MCC: variants seen among roughly 807,000 people sequenced by gnomAD.
MCC encodes the protein MCC regulator of Wnt signaling pathway.
Under a neutral mutation model 116.2 loss-of-function variants are expected in MCC, and 90 were observed. The observed-to-expected ratio is 0.77, with a 90% CI of 0.65 to 0.92. The LOEUF (loss-of-function observed/expected upper bound fraction) is 0.92. Ranked by LOEUF, MCC falls within the 40% of genes least tolerant of loss-of-function variation. The pLI, the probability that MCC is intolerant of heterozygous loss-of-function variation, is 0.00. For synonymous variants in MCC, 578 were observed against 510.5 expected (o/e 1.13, Z -1.78); for missense variants, 1,516 against 1,312.2 (o/e 1.16, Z -2.40).
chr5:113,072,654 T>C (rs1297657047), intron 11 of MCC, among the ~76,000 whole-genome samples: 4 of 152,186 alleles, frequency 2.6e-5, no homozygotes, highest in African/African-American at 4.8e-5. Flanking sequence ...CTTTGCTAGA[T>C]GCTCATTCTC....
intron 6 of MCC, among the ~76,000 whole-genome samples, chr5:113,118,520 T>A (rs1266338216): frequency 6.6e-6 from 1 of 152,160 alleles, no homozygotes. Flanking sequence ...CTCTGATGGG[T>A]GGTTATGAAA....
intron 2 of MCC, among the ~76,000 whole-genome samples, chr5:113,367,401 A>C (rs78649460): frequency 0.039 from 5,607 of 144,938 alleles, 367 homozygotes; most frequent in African/African-American, 0.14. Context: ...TATTCCATCA[A>C]ATTTAGTGTG....
chr5:113,272,390 G>A (rs1171511215), intron 3 of MCC, among the ~76,000 whole-genome samples: 3 of 152,110 alleles, frequency 2.0e-5, no homozygotes, highest in Non-Finnish European at 4.4e-5. Flanking sequence ...AGAGGAGCCT[G>A]CAAGTATAAT....
intron 3 of MCC, among the ~76,000 whole-genome samples, chr5:113,177,814 T>C (rs1431146571): frequency 1.3e-5 from 2 of 152,232 alleles, no homozygotes; most frequent in East Asian, 3.8e-4. Flanking sequence ...TTCATATTTG[T>C]AGTTTTAATG....
intron 3 of MCC, among the ~76,000 whole-genome samples, chr5:113,339,850 C>T (rs1164379214): frequency 6.6e-6 from 1 of 152,206 alleles, no homozygotes; most frequent in African/African-American, 2.4e-5. Context: ...TTTCAAAAAG[C>T]CAGGTAGGCT....
intron 3 of MCC, among the ~76,000 whole-genome samples, chr5:113,274,412 T>G (rs1765735771): frequency 6.6e-6 from 1 of 152,226 alleles, no homozygotes; most frequent in Admixed American, 6.5e-5. Context: ...CAGGCTGGAG[T>G]GCAGAGGCAC....
chr5:113,206,854 T>C (rs1330209532), intron 3 of MCC, among the ~76,000 whole-genome samples: 1 of 152,232 alleles, frequency 6.6e-6, no homozygotes, highest in African/African-American at 2.4e-5. Flanking sequence ...TCGTAAGCTT[T>C]CCCTCATTTG....
At chr5:113,188,549 C>T (rs567202172) in intron 3 of MCC, among the ~76,000 whole-genome samples, 1 of 152,122 alleles carries the variant, frequency 6.6e-6, no homozygotes, top group East Asian at 1.9e-4. Context: ...AAGATGTATT[C>T]AAAACACAAA....
chr5:113,129,270 T>C (rs1758284364), intron 5 of MCC, among the ~76,000 whole-genome samples: 1 of 152,090 alleles, frequency 6.6e-6, no homozygotes, highest in South Asian at 2.1e-4. Flanking sequence ...TGCAGGGTCC[T>C]AGAGGTTTAA....
intron 16 of MCC, 79 bp downstream of exon 16, chr5:113,049,014 G>A (rs771618094): frequency 6.7e-6 from 9 of 1,346,002 alleles, no homozygotes; most frequent in Admixed American, 3.5e-5. Context: ...GCAGGGCGGT[G>A]AGGTGTGGCC....
At chr5:113,216,278 T>C (rs1190851059) in intron 3 of MCC, among the ~76,000 whole-genome samples, 1 of 152,232 alleles carries the variant, frequency 6.6e-6, no homozygotes, top group African/African-American at 2.4e-5. Flanking sequence ...GTTTCCTTCC[T>C]ACCTTTGTGA....
At chr5:113,202,177 TGA>T (rs1320318111) in intron 3 of MCC, among the ~76,000 whole-genome samples, 1 of 151,812 alleles carries the variant, frequency 6.6e-6, no homozygotes, top group Non-Finnish European at 1.5e-5. Flanking sequence ...GAATGAATTG[TGA>T]TTAACTGATT....
intron 3 of MCC, among the ~76,000 whole-genome samples, chr5:113,172,788 T>C (rs185420214): frequency 2.6e-5 from 4 of 152,334 alleles, no homozygotes; most frequent in Admixed American, 2.0e-4. Flanking sequence ...GACTGTGAAA[T>C]TGCCTTCTAC....
chr5:113,421,293 G>A (rs1464262783), intron 1 of MCC, among the ~76,000 whole-genome samples: 2 of 152,010 alleles, frequency 1.3e-5, no homozygotes, highest in Non-Finnish European at 2.9e-5. Flanking sequence ...CCAAAGTGCT[G>A]GGATTACAGG....
At chr5:113,199,905 T>C (rs976781653) in intron 3 of MCC, among the ~76,000 whole-genome samples, 6 of 152,240 alleles carry the variant, frequency 3.9e-5, no homozygotes, top group Non-Finnish European at 8.8e-5. Flanking sequence ...TTCTGGCTTC[T>C]TCCCGGTGAA....
At chr5:113,172,826 C>G (rs559390686) in intron 3 of MCC, among the ~76,000 whole-genome samples, 3 of 152,126 alleles carry the variant, frequency 2.0e-5, no homozygotes, top group Admixed American at 2.0e-4. Context: ...TATATTTCTC[C>G]CAGCTGTATC....
At chr5:113,072,549 T>C (rs554168196) in intron 11 of MCC, among the ~76,000 whole-genome samples, 198 of 152,302 alleles carry the variant, frequency 1.3e-3, no homozygotes, top group Non-Finnish European at 1.8e-3. Flanking sequence ...CACTGATCTG[T>C]TACTCTTTCC....
chr5:113,039,844 A>T (rs530428652), intron 17 of MCC, among the ~76,000 whole-genome samples: 146 of 152,042 alleles, frequency 9.6e-4, no homozygotes, highest in Middle Eastern at 3.4e-3. Flanking sequence ...GGCTGCACAA[A>T]CACCATGTGA....
At chr5:113,079,303 A>G (rs1754681010) in intron 11 of MCC, among the ~76,000 whole-genome samples, 1 of 152,228 alleles carries the variant, frequency 6.6e-6, no homozygotes, top group Non-Finnish European at 1.5e-5. Flanking sequence ...TTGGAAAAAA[A>G]CTACTTTAAA....
Sources: allele counts gnomAD v4.1 joint callset (sites outside exome capture counted in the v4.1 genomes callset), GRCh38; gene constraint gnomAD v4.1.1; transcripts MANE v1.5; gene names NCBI Gene and HGNC (gene_info 2026-07-23, HGNC 2026-07-21).